Variants in SLC14A2 observed in about 807,000 individuals in gnomAD.
SLC14A2 encodes the protein solute carrier family 14 member 2.
Under a neutral mutation model 104.6 loss-of-function variants are expected in SLC14A2, and 91 were observed. The observed-to-expected ratio is 0.87, with a 90% CI of 0.73 to 1.04. The LOEUF (loss-of-function observed/expected upper bound fraction) is 1.04. Among genes scored for constraint, SLC14A2 ranks in the 50% least tolerant of loss-of-function variants. The probability of loss-of-function intolerance (pLI) is 0.00; values close to 1 mark genes in which losing one functional copy is unlikely to be tolerated. For synonymous variants in SLC14A2, 476 were observed against 466.4 expected (o/e 1.02, Z -0.27); for missense variants, 1,189 against 1,156.0 (o/e 1.03, Z -0.41).
rs1392796367 is a variant in SLC14A2 at position 45,475,659 on chromosome 18, A to T, written c.-124-7574A>T. On this transcript the variant is annotated intron_variant, in intron 1 of 20. Transcript: ENST00000586448. ...ATATTTAGGATATATATATATATAT[A>T]TATATATATATATATATATATATAT... Among the ~76,000 whole-genome samples, 4 of 88,608 alleles carry T rather than the reference A, an allele frequency of 4.5e-5. No homozygotes were observed. The South Asian group carries it at 1.2e-3, about 27-fold the overall frequency. The allele number at this position is 88,608 out of a possible 152,430, so 58.1% of individuals were successfully genotyped here.
chr18:45,269,457 G>A (rs1395952682), intron 1 of SLC14A2, among the ~76,000 whole-genome samples: 1 of 151,966 alleles, frequency 6.6e-6, no homozygotes, highest in Non-Finnish European at 1.5e-5. Context: ...CAGCGTCACT[G>A]TCTCCCATAT....
chr18:45,168,024 C>A, the SLC14A2 span, among the ~76,000 whole-genome samples: 1 of 152,162 alleles, frequency 6.6e-6, no homozygotes, highest in Non-Finnish European at 1.5e-5. Context: ...CTCGGCATGG[C>A]CAGCTCGACA....
intron 1 of SLC14A2, among the ~76,000 whole-genome samples, chr18:45,335,604 G>A (rs1467494195): frequency 6.6e-6 from 1 of 152,188 alleles, no homozygotes; most frequent in East Asian, 1.9e-4. Context: ...AACTTGTGGT[G>A]AGTATTCTCT....
intron 1 of SLC14A2, among the ~76,000 whole-genome samples, chr18:45,301,152 T>G (rs1007148441): frequency 1.3e-5 from 2 of 152,164 alleles, no homozygotes; most frequent in African/African-American, 4.8e-5. Context: ...TCACTAGTAA[T>G]GTGGGCAGGG....
intron 2 of SLC14A2, among the ~76,000 whole-genome samples, chr18:45,556,931 C>T (rs982502030): frequency 6.6e-6 from 1 of 152,180 alleles, no homozygotes; most frequent in African/African-American, 2.4e-5. Context: ...AATACACCCA[C>T]CAAAAGAAGG....
At chr18:45,495,478 G>A (rs1485105677) in intron 2 of SLC14A2, among the ~76,000 whole-genome samples, 3 of 152,138 alleles carry the variant, frequency 2.0e-5, no homozygotes, top group Non-Finnish European at 4.4e-5. Context: ...CCAGCCACCC[G>A]GTGATCCTAC....
chr18:45,482,950 A>G (rs1389727441), intron 1 of SLC14A2, among the ~76,000 whole-genome samples: 4 of 152,236 alleles, frequency 2.6e-5, no homozygotes, highest in Non-Finnish European at 5.9e-5. Flanking sequence ...AGCAAGGACA[A>G]TAGGATCCCT....
intron 18 of SLC14A2, among the ~76,000 whole-genome samples, chr18:45,674,974 G>A (rs892879739): frequency 1.3e-5 from 2 of 152,164 alleles, no homozygotes; most frequent in Non-Finnish European, 2.9e-5. Context: ...GCTCAACTGC[G>A]TGTAAAAGAC....
At chr18:45,277,692 A>T (rs566404548) in intron 1 of SLC14A2, among the ~76,000 whole-genome samples, 16 of 152,238 alleles carry the variant, frequency 1.1e-4, no homozygotes, top group Non-Finnish European at 2.1e-4. Context: ...TACAGGCATG[A>T]GCCACCGTGA....
intron 1 of SLC14A2, among the ~76,000 whole-genome samples, chr18:45,442,733 T>G (rs972230920): frequency 1.3e-5 from 2 of 152,192 alleles, no homozygotes; most frequent in Admixed American, 1.3e-4. Flanking sequence ...AAAAGTGAGA[T>G]GTATATAAAG....
chr18:45,642,488 G>A (rs1026000690), intron 8 of SLC14A2, among the ~76,000 whole-genome samples: 2 of 152,234 alleles, frequency 1.3e-5, no homozygotes, highest in Non-Finnish European at 1.5e-5. Context: ...TTGACAAAGA[G>A]AGAGGGAAGA....
intron 2 of SLC14A2, among the ~76,000 whole-genome samples, chr18:45,591,394 G>A (rs758811726): frequency 3.9e-5 from 6 of 152,156 alleles, no homozygotes; most frequent in African/African-American, 7.2e-5. Context: ...GGAGTGCAGT[G>A]GTGCGATCTC....
In SLC14A2 at chr18:45,363,067, C is replaced by T. The variant is rs1248677963; in HGVS notation, c.-124-120166C>T. Among the ~76,000 whole-genome samples the T allele has an allele frequency of 2.0e-5, 3 of 152,176 alleles. No homozygotes were observed. In the East Asian group the frequency reaches 5.8e-4, roughly 29 times the overall value. ...CCTGCCCTTCCCTGTGCAACGACCC[C>T]CCCAACCCTCGGCCAAATCAAGAGC... On this transcript the variant is annotated intron_variant, in intron 1 of 20. Transcript: ENST00000586448.
At chr18:45,585,713 C>G (rs1321299338) in intron 2 of SLC14A2, among the ~76,000 whole-genome samples, 1 of 152,178 alleles carries the variant, frequency 6.6e-6, no homozygotes, top group East Asian at 1.9e-4. Flanking sequence ...TTCACGCTAC[C>G]TGCTCTTCCA....
At chr18:45,191,509 A>G in the SLC14A2 span, among the ~76,000 whole-genome samples, 3 of 152,180 alleles carry the variant, frequency 2.0e-5, no homozygotes, top group Admixed American at 1.3e-4. Flanking sequence ...AACAATTTCT[A>G]AGTCATGTCC....
chr18:45,404,509 G>C (rs1025035370), intron 1 of SLC14A2, among the ~76,000 whole-genome samples: 7 of 152,152 alleles, frequency 4.6e-5, no homozygotes, highest in Non-Finnish European at 7.3e-5. Context: ...AAGCTTGAAG[G>C]TTAGATGGCA....
At chr18:45,446,463 G>A (rs2086771680) in intron 1 of SLC14A2, among the ~76,000 whole-genome samples, 1 of 152,168 alleles carries the variant, frequency 6.6e-6, no homozygotes, top group Non-Finnish European at 1.5e-5. Context: ...CCTCACCAAA[G>A]ACCCAACAAT....
At position 45,663,826 on chromosome 18, in the gene SLC14A2, G is replaced by A. The variant is rs761664732; in HGVS notation, c.1393G>A (p.Glu465Lys). The change falls in exon 11 of 20, where the codon GAG becomes AAG. Residue 465 changes from glutamate to lysine, a missense_variant. Physicochemically the swap from Glu to Lys is moderately conservative, Grantham distance 56. Transcript: ENST00000255226. ...EHPPTAGPKV[E>K]EGSEAVLSKH... ...TCCACCCACAGCAGGCCCAAAGGTG[G>A]AGGAGGGCTCGGAGGCTGTGCTCTC... 2.6e-5 allele frequency: 42 copies of A among 1,613,252 alleles called. No individual in the cohort carries two copies. Among genetic ancestry groups the A allele is most frequent in the South Asian group, 2.0e-4 (18 of 91,036 alleles).
intron 1 of SLC14A2, among the ~76,000 whole-genome samples, chr18:45,239,257 G>A (rs1159787405): frequency 6.6e-6 from 1 of 152,206 alleles, no homozygotes; most frequent in East Asian, 1.9e-4. Flanking sequence ...ACTCTTTCTA[G>A]GCTCCCATTC....
Sources: allele counts gnomAD v4.1 joint callset (sites outside exome capture counted in the v4.1 genomes callset), GRCh38; gene constraint gnomAD v4.1.1; transcripts MANE v1.5; gene names NCBI Gene and HGNC (gene_info 2026-07-23, HGNC 2026-07-21).